Variants in KCNJ1 observed in about 807,000 individuals in gnomAD.
KCNJ1 encodes potassium inwardly rectifying channel subfamily J member 1.
Under a neutral mutation model 21.9 loss-of-function variants are expected in KCNJ1, and 24 were observed. The ratio of observed to expected loss-of-function variants is 1.10; its 90% CI spans 0.79 to 1.54. The LOEUF is 1.54. Ranked by LOEUF, KCNJ1 falls within the 40% of genes most tolerant of loss-of-function variation. The pLI, the probability that KCNJ1 is intolerant of heterozygous loss-of-function variation, is 0.00. For missense variants in KCNJ1, 457 were observed against 455.4 expected, an observed-to-expected ratio of 1.00 and a Z score of -0.03; for synonymous variants, 152 against 160.9, an observed-to-expected ratio of 0.94 and a Z score of 0.42.
chr11:128,842,752 C>A (rs1218624900), intron 2 of KCNJ1, among the ~76,000 whole-genome samples: 2 of 152,198 alleles, frequency 1.3e-5, no homozygotes, highest in Non-Finnish European at 2.9e-5. Flanking sequence ...CTTGGCCACG[C>A]TCTATCGCTC....
At chr11:128,863,923 G>T (rs1337132458) in intron 1 of KCNJ1, among the ~76,000 whole-genome samples, 2 of 152,088 alleles carry the variant, frequency 1.3e-5, no homozygotes, top group East Asian at 3.9e-4. Context: ...GGCAAGAAAG[G>T]CTGACACTTT....
chr11:128,839,941 G>C lies in KCNJ1; in HGVS notation c.303C>G (p.Pro101=). Reference sequence around the variant, plus strand: ...TCAAGCCATTAATATTCTCCACACAGGGAGTGTGATTGGCAGAAGGATGGA... The same window carrying C: ...TCAAGCCATTAATATTCTCCACACACGGAGTGTGATTGGCAGAAGGATGGA... The part of the protein sequence containing the change: ...PEFHPSANHT[P]CVENINGLTS... The change falls in exon 3 of 3, where the codon CCC becomes CCG. Residue 101 remains proline, a synonymous_variant. Coordinates refer to ENST00000392666, the MANE Select transcript of KCNJ1 (RefSeq NM_153766.3). The C allele has an allele frequency of 6.2e-7, 1 of 1,613,960 alleles. No individual in the cohort carries two copies. Among genetic ancestry groups the C allele is most frequent in the Non-Finnish European group, 8.5e-7 (1 of 1,179,844 alleles).
chr11:128,854,618 G>A lies in KCNJ1; in HGVS notation c.-191-3728C>T, dbSNP rs188793345. Among the ~76,000 whole-genome samples, 47 of 152,248 alleles carry A rather than the reference G, an allele frequency of 3.1e-4. No individual in the cohort carries two copies. In the South Asian group the frequency reaches 7.0e-3, roughly 23 times the overall value. On this transcript the variant is annotated intron_variant, in intron 1 of 2. Transcript: ENST00000392666. ...GTTGAGTCTACATTCAAGGACTCACGGGAGAATGACAGAAACCTCCCACTG... is the reference window on the plus strand; with the variant it reads ...GTTGAGTCTACATTCAAGGACTCACAGGAGAATGACAGAAACCTCCCACTG...
intron 2 of KCNJ1, among the ~76,000 whole-genome samples, chr11:128,843,787 C>G (rs760195722): frequency 1.3e-5 from 2 of 152,188 alleles, no homozygotes; most frequent in South Asian, 4.1e-4. Context: ...AATCACTATT[C>G]AATGATGATA....
chr11:128,863,125 A>G (rs1943750574), intron 1 of KCNJ1, among the ~76,000 whole-genome samples: 1 of 152,146 alleles, frequency 6.6e-6, no homozygotes, highest in Admixed American at 6.5e-5. Context: ...GGCTGTTTTA[A>G]CTCTGCAAAG....
At chr11:128,855,008 C>G (rs1012319822) in intron 1 of KCNJ1, among the ~76,000 whole-genome samples, 8 of 152,186 alleles carry the variant, frequency 5.3e-5, no homozygotes, top group Non-Finnish European at 1.0e-4. Context: ...TGAATTCCAG[C>G]TCTGCAGCTT....
intron 2 of KCNJ1, among the ~76,000 whole-genome samples, chr11:128,845,657 T>G (rs1041183165): frequency 6.6e-6 from 1 of 152,196 alleles, no homozygotes; most frequent in Non-Finnish European, 1.5e-5. Context: ...ATCAGGCAGC[T>G]CACATGGGAA....
At chr11:128,843,433 C>A (rs770889878) in intron 2 of KCNJ1, among the ~76,000 whole-genome samples, 3 of 152,158 alleles carry the variant, frequency 2.0e-5, no homozygotes, top group African/African-American at 4.8e-5. Context: ...GCAAAACAAG[C>A]GGATTACATT....
At chr11:128,840,872 G>A (rs985075462) in intron 2 of KCNJ1, among the ~76,000 whole-genome samples, 1 of 152,112 alleles carries the variant, frequency 6.6e-6, no homozygotes, top group Non-Finnish European at 1.5e-5. Context: ...TAAATAACTT[G>A]TCCAAATGCA....
chr11:128,839,284 C>T lies in KCNJ1; in HGVS notation c.960G>A (p.Val320=). The change falls in exon 3 of 3, where the codon GTG becomes GTA. Residue 320 remains valine, a synonymous_variant. Coordinates refer to ENST00000392666, the MANE Select transcript of KCNJ1 (RefSeq NM_153766.3). ...VSKTKEGKYR[V]DFHNFSKTVE... is the part of the protein sequence containing the mutation. ...CTGTCTTGCTAAAGTTATGGAAATCCACTCGGTATTTCCCTTCCTTTGTCT... is the reference window on the plus strand; with the variant it reads ...CTGTCTTGCTAAAGTTATGGAAATCTACTCGGTATTTCCCTTCCTTTGTCT... 6.2e-7 allele frequency: 1 copy of T among 1,614,088 alleles called. No homozygotes were observed. Among genetic ancestry groups the T allele is most frequent in the South Asian group, 1.1e-5 (1 of 91,070 alleles).
intron 2 of KCNJ1, among the ~76,000 whole-genome samples, chr11:128,846,766 G>C (rs1565525406): frequency 6.6e-6 from 1 of 152,130 alleles, no homozygotes; most frequent in Non-Finnish European, 1.5e-5. Flanking sequence ...AACTAGGATT[G>C]GATCTGTGGA....
chr11:128,852,091 T>G (rs1356284118), intron 1 of KCNJ1, among the ~76,000 whole-genome samples: 1 of 152,234 alleles, frequency 6.6e-6, no homozygotes, highest in Non-Finnish European at 1.5e-5. Flanking sequence ...CATTGGGTAT[T>G]CAGTGTGTCA....
At chr11:128,847,641 A>C (rs1248215101) in intron 2 of KCNJ1, among the ~76,000 whole-genome samples, 1 of 152,120 alleles carries the variant, frequency 6.6e-6, no homozygotes. Flanking sequence ...GACCACAAAA[A>C]CCTATACCTC....
intron 1 of KCNJ1, among the ~76,000 whole-genome samples, chr11:128,861,794 T>C (rs1353402174): frequency 6.6e-6 from 1 of 152,054 alleles, no homozygotes; most frequent in East Asian, 1.9e-4. Flanking sequence ...CCCGCTGAAA[T>C]GGACTCCTGC....
chr11:128,840,949 T>C (rs1943272362), intron 2 of KCNJ1, among the ~76,000 whole-genome samples: 3 of 152,216 alleles, frequency 2.0e-5, no homozygotes, highest in Admixed American at 1.3e-4. Flanking sequence ...TAGGGGAGCT[T>C]CTACCACTCC....
Position 128,840,276 on chromosome 11 carries a change from T to A in KCNJ1, c.-21-12A>T. 6.2e-7 allele frequency: 1 copy of A among 1,613,698 alleles called. No homozygotes were observed. Among genetic ancestry groups the A allele is most frequent in the Non-Finnish European group, 8.5e-7 (1 of 1,179,732 alleles). The stretch of plus-strand genomic sequence containing the variant: ...GTCAACACCCTGATCTGAAAACACA[T>A]CAAAGAAAAACAAAAAAGGATTATG... On this transcript the variant is annotated splice_polypyrimidine_tract_variant and intron_variant, in intron 2 of 2. Transcript: ENST00000392666.
intron 2 of KCNJ1, among the ~76,000 whole-genome samples, chr11:128,843,008 A>G (rs1425962173): frequency 6.6e-6 from 1 of 152,248 alleles, no homozygotes; most frequent in Non-Finnish European, 1.5e-5. Context: ...ACTTAAAAGA[A>G]GTCTTTATTG....
rs1379544523 is a variant in KCNJ1, at chr11:128,849,236, A to G, written c.-22+1485T>C. Reference sequence around the variant, plus strand: ...CAAAGAGCAAAGATTAGAAGAATCTAGATCTTCCCAACTGACAAGTCTTTG... The same window carrying G: ...CAAAGAGCAAAGATTAGAAGAATCTGGATCTTCCCAACTGACAAGTCTTTG... On this transcript the variant is annotated intron_variant, in intron 2 of 2. Transcript: ENST00000392666. Among the ~76,000 whole-genome samples, 11 of 152,388 alleles carry G rather than the reference A, an allele frequency of 7.2e-5. No homozygotes were observed. The East Asian group carries it at 2.1e-3, about 29-fold the overall frequency.
At chr11:128,858,297 C>T (rs181137114) in intron 1 of KCNJ1, among the ~76,000 whole-genome samples, 25 of 152,112 alleles carry the variant, frequency 1.6e-4, no homozygotes, top group African/African-American at 4.8e-4. Context: ...CAGAGAAAAA[C>T]ATCCACTCCT....
Sources: allele counts gnomAD v4.1 joint callset (sites outside exome capture counted in the v4.1 genomes callset), GRCh38; gene constraint gnomAD v4.1.1; transcripts MANE v1.5; gene names NCBI Gene and HGNC (gene_info 2026-07-23, HGNC 2026-07-21).